Variants in BABAM2 observed in about 807,000 individuals in gnomAD.
BABAM2 encodes BRISC and BRCA1-A complex member 2.
In BABAM2, 31 loss-of-function variants were observed where a neutral mutation model predicts 54.7. The ratio of observed to expected loss-of-function variants is 0.57; its 90% CI spans 0.43 to 0.77. The LOEUF (loss-of-function observed/expected upper bound fraction) is 0.77. Among genes scored for constraint, BABAM2 ranks in the 30% least tolerant of loss-of-function variants. The probability of loss-of-function intolerance (pLI) is 0.00; values close to 1 mark genes in which losing one functional copy is unlikely to be tolerated. For synonymous variants in BABAM2, 167 were observed against 162.9 expected (o/e 1.03, Z -0.19); for missense variants, 364 against 455.8 (o/e 0.80, Z 1.83).
At chr2:27,917,208 G>T (rs146840860) in intron 2 of BABAM2, among the ~76,000 whole-genome samples, 13 of 151,610 alleles carry the variant, frequency 8.6e-5, no homozygotes, top group Admixed American at 3.9e-4. Context: ...AGTAGAGATG[G>T]GGTTTCACCA....
chr2:28,124,359 C>A lies in BABAM2; in HGVS notation c.571-4912C>A, dbSNP rs1216331977. Among the ~76,000 whole-genome samples the A allele has an allele frequency of 3.9e-5, 6 of 152,078 alleles. No individual in the cohort carries two copies. In the South Asian group the frequency reaches 6.2e-4, roughly 16 times the overall value. The stretch of plus-strand genomic sequence containing the variant: ...CGTTGCAGACCCTGAGTGTTTTTTA[C>A]AATTTTCATTCTCATTTTACAGAAA... On this transcript the variant is annotated intron_variant, in intron 6 of 11. Coordinates refer to ENST00000379624, the MANE Select transcript of BABAM2 (RefSeq NM_199191.3).
rs577640928 is a variant in BABAM2, at chr2:28,186,827, A to G, written c.681-50375A>G. Among the ~76,000 whole-genome samples, 27 of 148,658 alleles carry G rather than the reference A, an allele frequency of 1.8e-4. No individual in the cohort carries two copies. The South Asian group carries it at 5.5e-3, about 30-fold the overall frequency. On this transcript the variant is annotated intron_variant, in intron 7 of 11. Coordinates refer to ENST00000379624, the MANE Select transcript of BABAM2 (RefSeq NM_199191.3). Reference sequence around the variant, plus strand: ...TTCAACATTTTTTTTTTTTTTTGAGACAGAGTCTTGCTCTGTCGCCCAGGC... The same window carrying G: ...TTCAACATTTTTTTTTTTTTTTGAGGCAGAGTCTTGCTCTGTCGCCCAGGC...
intron 11 of BABAM2, chr2:28,310,384 C>A (rs987269324): frequency 6.4e-6 from 3 of 469,884 alleles, no homozygotes; most frequent in African/African-American, 5.8e-5. Flanking sequence ...ATCCCTTCTG[C>A]AGGTCCCCTC....
intron 7 of BABAM2, among the ~76,000 whole-genome samples, chr2:28,146,417 T>C (rs766598527): frequency 6.6e-6 from 1 of 152,198 alleles, no homozygotes; most frequent in Admixed American, 6.5e-5. Context: ...CAGATCCAAA[T>C]TGCCATTTCA....
intron 7 of BABAM2, among the ~76,000 whole-genome samples, chr2:28,206,841 T>G (rs1678899583): frequency 6.6e-6 from 1 of 152,226 alleles, no homozygotes; most frequent in Non-Finnish European, 1.5e-5. Flanking sequence ...CCACTACTCT[T>G]ACAAGTCCTT....
chr2:27,907,771 T>TCA (rs956310010), intron 2 of BABAM2, among the ~76,000 whole-genome samples: 1 of 152,146 alleles, frequency 6.6e-6, no homozygotes, highest in African/African-American at 2.4e-5. Flanking sequence ...TGTAAGTGAG[T>TCA]CATGCAGTAT....
chr2:27,986,397 C>A (rs1479160181), intron 3 of BABAM2, among the ~76,000 whole-genome samples: 1 of 151,706 alleles, frequency 6.6e-6, no homozygotes, highest in Non-Finnish European at 1.5e-5. Flanking sequence ...GTGGCTATGG[C>A]AAAGTTCAAA....
chr2:28,269,561 T>TAA (rs1685248200), intron 10 of BABAM2, among the ~76,000 whole-genome samples: 1 of 152,222 alleles, frequency 6.6e-6, no homozygotes, highest in Non-Finnish European at 1.5e-5. Flanking sequence ...GTCTCTTGGG[T>TAA]AAAATGTTCC....
At chr2:28,331,620 C>G (rs895283178) in intron 11 of BABAM2, among the ~76,000 whole-genome samples, 4 of 152,156 alleles carry the variant, frequency 2.6e-5, no homozygotes, top group Admixed American at 6.5e-5. Context: ...CAATGAGATA[C>G]CATCTCATGC....
At chr2:27,916,811 C>T (rs763847752) in intron 2 of BABAM2, among the ~76,000 whole-genome samples, 4 of 152,134 alleles carry the variant, frequency 2.6e-5, no homozygotes, top group African/African-American at 4.8e-5. Context: ...CTGCTCTCTT[C>T]GCTCCTATTG....
chr2:27,985,172 G>T (rs918679643), intron 3 of BABAM2, among the ~76,000 whole-genome samples: 2 of 151,310 alleles, frequency 1.3e-5, no homozygotes, highest in Non-Finnish European at 2.9e-5. Flanking sequence ...ATTGTGAATT[G>T]TGCTGCTATA....
intron 3 of BABAM2, among the ~76,000 whole-genome samples, chr2:27,945,342 T>C (rs1478234961): frequency 6.6e-6 from 1 of 152,104 alleles, no homozygotes; most frequent in East Asian, 1.9e-4. Context: ...GAGCTACTTT[T>C]GATCATATAT....
At chr2:28,313,417 C>G (rs1381188891) in intron 11 of BABAM2, among the ~76,000 whole-genome samples, 1 of 152,220 alleles carries the variant, frequency 6.6e-6, no homozygotes, top group Non-Finnish European at 1.5e-5. Flanking sequence ...CAGACAGAAC[C>G]TCTGGCACTT....
chr2:28,224,851 C>CAAAAAAAA (rs754146418), intron 7 of BABAM2, among the ~76,000 whole-genome samples: 2 of 83,924 alleles, frequency 2.4e-5, no homozygotes, highest in African/African-American at 8.2e-5. Flanking sequence ...GGTAAATTGA[C>CAAAAAAAA]AAAAAAAAAA....
chr2:28,325,289 G>A lies in BABAM2; in HGVS notation c.1089-13161G>A, dbSNP rs992239774. 2.0e-5 allele frequency among the ~76,000 whole-genome samples: 3 copies of A among 152,158 alleles called. No homozygotes were observed. The highest frequency in any genetic ancestry group is 6.5e-5 in the Admixed American group (1 of 15,270). On this transcript the variant is annotated intron_variant, in intron 11 of 11. Coordinates refer to ENST00000379624, the MANE Select transcript of BABAM2 (RefSeq NM_199191.3). The surrounding 1 kb of genome is among the most constrained non-coding windows in gnomAD (Gnocchi z 4.3). Reference sequence around the variant, plus strand: ...CCTGCTGTCAGCATGTGCAGGGCCCGAGCTGGTGCAGTGTGGAGTGATCCC... The same window carrying A: ...CCTGCTGTCAGCATGTGCAGGGCCCAAGCTGGTGCAGTGTGGAGTGATCCC...
intron 7 of BABAM2, among the ~76,000 whole-genome samples, chr2:28,204,508 C>T (rs1381848874): frequency 6.6e-6 from 1 of 151,994 alleles, no homozygotes; most frequent in Non-Finnish European, 1.5e-5. Context: ...TGGGGACCCT[C>T]CTGGCTCTTT....
At chr2:28,128,530 A>G (rs1399974775) in intron 6 of BABAM2, among the ~76,000 whole-genome samples, 1 of 152,192 alleles carries the variant, frequency 6.6e-6, no homozygotes, top group Admixed American at 6.5e-5. Flanking sequence ...CGTTGGCTTG[A>G]GTTGGTTATA....
intron 7 of BABAM2, among the ~76,000 whole-genome samples, chr2:28,174,784 C>T (rs566818005): frequency 2.0e-5 from 3 of 152,248 alleles, no homozygotes; most frequent in South Asian, 2.1e-4. Flanking sequence ...TAGCGTGGTA[C>T]GATTTTGAGA....
At chr2:28,260,885 C>A (rs1684440048) in intron 10 of BABAM2, among the ~76,000 whole-genome samples, 1 of 150,404 alleles carries the variant, frequency 6.6e-6, no homozygotes, top group African/African-American at 2.4e-5. Context: ...AAATTAATTT[C>A]TAAGTATATT....
Sources: gnomAD v4.1 joint callset for allele counts (sites outside exome capture counted in the v4.1 genomes callset) on GRCh38, gnomAD v4.1.1 for gene constraint, Gnocchi (gnomAD v3.1) non-coding constraint, MANE v1.5 for transcripts, NCBI Gene and HGNC (gene_info 2026-07-23, HGNC 2026-07-21) for gene names.